The following HS6ST3 variants were observed in gnomAD, a reference collection of about 807,000 sequenced individuals.
The protein encoded by HS6ST3 is heparan-sulfate 6-O-sulfotransferase 3.
HS6ST3 carries 12 observed loss-of-function variants against 36.7 expected under a neutral mutation model. That is an observed-to-expected ratio of 0.33 (90% CI 0.21 to 0.53). The LOEUF (loss-of-function observed/expected upper bound fraction) is 0.53, where lower values mean the gene tolerates loss of function less well. HS6ST3 is among the 20% of genes least tolerant of loss of function. The pLI is 0.95. For missense variants in HS6ST3, 584 were observed against 640.9 expected, an observed-to-expected ratio of 0.91 and a Z score of 0.96; for synonymous variants, 240 against 257.5, an observed-to-expected ratio of 0.93 and a Z score of 0.65.
Position 96,687,090 on chromosome 13 carries a change from CTTTT to C in HS6ST3, c.708-145388_708-145385del, listed in dbSNP as rs68182332. On this transcript the variant is annotated intron_variant, in intron 1 of 1. Coordinates refer to ENST00000376705, the MANE Select transcript of HS6ST3 (RefSeq NM_153456.4). ...ATATATACTGAAAAAGCAAGAAGTGCTTTTTTTTTTTTTTTACAAATATGGTGGC... is the reference window on the plus strand; with the variant it reads ...ATATATACTGAAAAAGCAAGAAGTGCTTTTTTTTTTTACAAATATGGTGGC... Among the ~76,000 whole-genome samples the C allele has an allele frequency of 4.3e-3, 637 of 148,332 alleles. 1 individual carries two copies. Among genetic ancestry groups the C allele is most frequent in the African/African-American group, 7.2e-3 (294 of 40,694 alleles).
chr13:96,823,228 A>G (rs144866095), intron 1 of HS6ST3, among the ~76,000 whole-genome samples: 1 of 152,326 alleles, frequency 6.6e-6, no homozygotes, highest in East Asian at 1.9e-4. Flanking sequence ...ATGAAACAGG[A>G]GGGATTCTCT....
At position 96,760,820 on chromosome 13, in the gene HS6ST3, C is replaced by CT. The variant is rs1345465881; in HGVS notation, c.708-71663dup. ...ATTTCTTATCAAGAGGTTTTTTCTG[C>CT]TTTTTTTATTAGCATAGGAAGCATT... On this transcript the variant is annotated intron_variant, in intron 1 of 1. Coordinates refer to ENST00000376705, the MANE Select transcript of HS6ST3 (RefSeq NM_153456.4). Among the ~76,000 whole-genome samples, 4 of 152,028 alleles carry CT rather than the reference C, an allele frequency of 2.6e-5. No homozygotes were observed. The East Asian group carries it at 5.8e-4, about 22-fold the overall frequency.
At chr13:96,615,068 C>G (rs1339855172) in intron 1 of HS6ST3, among the ~76,000 whole-genome samples, 4 of 151,958 alleles carry the variant, frequency 2.6e-5, no homozygotes, top group Non-Finnish European at 5.9e-5. Flanking sequence ...AATAACTCAT[C>G]TTAGGTTTTA....
At chr13:96,206,059 A>C (rs983921059) in intron 1 of HS6ST3, among the ~76,000 whole-genome samples, 2 of 152,196 alleles carry the variant, frequency 1.3e-5, no homozygotes, top group African/African-American at 2.4e-5. Flanking sequence ...TATATCTAGA[A>C]AACCCCATCA....
At chr13:96,620,858 A>G (rs972313886) in intron 1 of HS6ST3, among the ~76,000 whole-genome samples, 2 of 151,982 alleles carry the variant, frequency 1.3e-5, no homozygotes, top group African/African-American at 4.8e-5. Flanking sequence ...TTAAATAGGA[A>G]ATCTTGATGC....
intron 1 of HS6ST3, among the ~76,000 whole-genome samples, chr13:96,621,384 C>T (rs1367589620): frequency 1.3e-5 from 2 of 152,236 alleles, no homozygotes; most frequent in East Asian, 1.9e-4. Flanking sequence ...GCAGTTTTTT[C>T]CTGCACTCTC....
intron 1 of HS6ST3, among the ~76,000 whole-genome samples, chr13:96,242,132 C>G (rs1011296641): frequency 2.0e-5 from 3 of 152,072 alleles, no homozygotes; most frequent in Admixed American, 6.5e-5. Flanking sequence ...GGGCGCATAA[C>G]TAAAACTTTA....
intron 1 of HS6ST3, among the ~76,000 whole-genome samples, chr13:96,629,419 TGAGGAGAG>T (rs2056524184): frequency 6.6e-6 from 1 of 152,204 alleles, no homozygotes; most frequent in African/African-American, 2.4e-5. Flanking sequence ...GAATTTCATG[TGAGGAGAG>T]TCTGTATGTA....
chr13:96,422,141 C>T (rs1266428571), intron 1 of HS6ST3, among the ~76,000 whole-genome samples: 1 of 152,128 alleles, frequency 6.6e-6, no homozygotes, highest in South Asian at 2.1e-4. Flanking sequence ...TTTTGTCATG[C>T]ACTCTCAGCC....
rs549290348 is a variant in HS6ST3, at chr13:96,181,496, C to T, written c.707+89927C>T. Among the ~76,000 whole-genome samples, 5 of 152,318 alleles carry T rather than the reference C, an allele frequency of 3.3e-5. No homozygotes were observed. In the South Asian group the frequency reaches 8.3e-4, roughly 25 times the overall value. On this transcript the variant is annotated intron_variant, in intron 1 of 1. Coordinates refer to ENST00000376705, the MANE Select transcript of HS6ST3 (RefSeq NM_153456.4). ...AGAGGTTTTTTCTGCCTCGTTTGAG[C>T]TCAGTGGCCAGCAGTTTCCTGGGTC...
At chr13:96,219,306 C>A (rs2054443105) in intron 1 of HS6ST3, among the ~76,000 whole-genome samples, 1 of 152,124 alleles carries the variant, frequency 6.6e-6, no homozygotes, top group African/African-American at 2.4e-5. Flanking sequence ...ATAACCTCAC[C>A]TACTTCTCAT....
intron 1 of HS6ST3, among the ~76,000 whole-genome samples, chr13:96,273,809 A>G (rs1594739710): frequency 1.3e-5 from 2 of 152,204 alleles, no homozygotes; most frequent in African/African-American, 4.8e-5. Flanking sequence ...ATGAGAAGGC[A>G]TGGAAAGAGC....
chr13:96,462,740 C>T (rs1200341035), intron 1 of HS6ST3, among the ~76,000 whole-genome samples: 3 of 152,084 alleles, frequency 2.0e-5, no homozygotes, highest in African/African-American at 7.2e-5. Context: ...ATTGAGAAGG[C>T]AATTTAGCAA....
At chr13:96,215,629 A>T (rs2054421637) in intron 1 of HS6ST3, among the ~76,000 whole-genome samples, 1 of 152,180 alleles carries the variant, frequency 6.6e-6, no homozygotes, top group South Asian at 2.1e-4. Context: ...TTGTTGTTAA[A>T]AAAAGCTTTT....
intron 1 of HS6ST3, among the ~76,000 whole-genome samples, chr13:96,502,158 T>C (rs987383535): frequency 5.3e-5 from 8 of 152,196 alleles, no homozygotes; most frequent in African/African-American, 1.9e-4. Flanking sequence ...TTCAGTTGTC[T>C]TACTGTTCCT....
At chr13:96,636,652 G>C (rs920957597) in intron 1 of HS6ST3, among the ~76,000 whole-genome samples, 18 of 152,146 alleles carry the variant, frequency 1.2e-4, no homozygotes, top group African/African-American at 4.1e-4. Flanking sequence ...AAGGAAGCTT[G>C]ACATATTTTT....
intron 1 of HS6ST3, among the ~76,000 whole-genome samples, chr13:96,576,448 C>T (rs956379809): frequency 3.3e-5 from 5 of 152,138 alleles, no homozygotes; most frequent in Admixed American, 3.3e-4. Flanking sequence ...TGGACTAAGC[C>T]ACCCACCTCC....
chr13:96,387,182 G>A (rs1337250654), intron 1 of HS6ST3, among the ~76,000 whole-genome samples: 2 of 152,160 alleles, frequency 1.3e-5, no homozygotes, highest in Admixed American at 1.3e-4. Context: ...ATATAGCTTT[G>A]AGATGCATTA....
At position 96,179,908 on chromosome 13, in the gene HS6ST3, C is replaced by G. The variant is rs527711309; in HGVS notation, c.707+88339C>G. 4.6e-5 allele frequency among the ~76,000 whole-genome samples: 7 copies of G among 152,250 alleles called. No individual in the cohort carries two copies. The East Asian group carries it at 1.4e-3, about 29-fold the overall frequency. On this transcript the variant is annotated intron_variant, in intron 1 of 1. Coordinates refer to ENST00000376705, the MANE Select transcript of HS6ST3 (RefSeq NM_153456.4). ...GCAGTGGCAGGATCTTGGCTCACTG[C>G]AACCTCTGCCTCCCAGGTTCAAGCG... is the stretch of plus-strand genomic sequence containing the variant.
Sources: gnomAD v4.1 joint callset for allele counts (sites outside exome capture counted in the v4.1 genomes callset) on GRCh38, gnomAD v4.1.1 for gene constraint, MANE v1.5 for transcripts, NCBI Gene and HGNC (gene_info 2026-07-23, HGNC 2026-07-21) for gene names.